Variants in NRG3 observed in about 807,000 individuals in gnomAD.
NRG3 encodes neuregulin 3.
In NRG3, 31 loss-of-function variants were observed where a neutral mutation model predicts 66.9. The ratio of observed to expected loss-of-function variants is 0.46; its 90% CI spans 0.35 to 0.63. The LOEUF is 0.63. NRG3 is among the 20% of genes least tolerant of loss of function. The probability of loss-of-function intolerance (pLI) is 0.00; values close to 1 mark genes in which losing one functional copy is unlikely to be tolerated. For missense variants in NRG3, 910 were observed against 878.9 expected (o/e 1.04, Z -0.45); for synonymous variants, 393 against 359.4 (o/e 1.09, Z -1.06).
intron 2 of NRG3, among the ~76,000 whole-genome samples, chr10:82,434,152 G>A (rs570157999): frequency 6.6e-6 from 1 of 152,166 alleles, no homozygotes; most frequent in South Asian, 2.1e-4. Flanking sequence ...CCTCCTTGAG[G>A]AGGTCCTTCA....
intron 2 of NRG3, among the ~76,000 whole-genome samples, chr10:82,574,486 A>T (rs1167627571): frequency 6.6e-6 from 1 of 151,810 alleles, no homozygotes; most frequent in East Asian, 1.9e-4. Context: ...AAGTGACTGC[A>T]GTTAACAATA....
chr10:82,233,436 A>G (rs2076597785), intron 1 of NRG3, among the ~76,000 whole-genome samples: 1 of 152,228 alleles, frequency 6.6e-6, no homozygotes, highest in Non-Finnish European at 1.5e-5. Flanking sequence ...CCCCAGTTAG[A>G]AAGATTTTCT....
In NRG3 at chr10:82,194,899, G is replaced by A. The variant is rs116736218; in HGVS notation, c.824-163840G>A. Among the ~76,000 whole-genome samples the A allele has an allele frequency of 5.7e-3, 869 of 152,226 alleles. 8 individuals are homozygous for A. Among genetic ancestry groups the A allele is most frequent in the African/African-American group, 0.02 (842 of 41,560 alleles). ...TTCCACAGAACCCTCTCAGGCATCAGTGCTTTTTCAAAGCCCTGTTCTCCT... is the reference window on the plus strand; with the variant it reads ...TTCCACAGAACCCTCTCAGGCATCAATGCTTTTTCAAAGCCCTGTTCTCCT... On this transcript the variant is annotated intron_variant, in intron 1 of 8. Coordinates refer to ENST00000372141, the MANE Select transcript of NRG3 (RefSeq NM_001010848.4).
intron 4 of NRG3, among the ~76,000 whole-genome samples, chr10:82,866,926 T>C (rs1402213035): frequency 1.3e-5 from 2 of 152,156 alleles, no homozygotes; most frequent in African/African-American, 4.8e-5. Flanking sequence ...TTGGATAAGT[T>C]GTCTAATGGA....
At chr10:82,266,132 G>C (rs1051367571) in intron 1 of NRG3, among the ~76,000 whole-genome samples, 1 of 152,138 alleles carries the variant, frequency 6.6e-6, no homozygotes, top group African/African-American at 2.4e-5. Flanking sequence ...TCAAAATAGT[G>C]TATGCTTATG....
intron 2 of NRG3, among the ~76,000 whole-genome samples, chr10:82,556,506 G>A (rs1220394561): frequency 6.6e-6 from 1 of 152,098 alleles, no homozygotes; most frequent in African/African-American, 2.4e-5. Flanking sequence ...GCTGGCGGCA[G>A]CCCTCTTGGT....
chr10:82,102,005 A>G (rs556004807), intron 1 of NRG3, among the ~76,000 whole-genome samples: 1 of 143,962 alleles, frequency 6.9e-6, no homozygotes, highest in East Asian at 2.1e-4. Context: ...ATGTGTGCGT[A>G]TATATATATA....
chr10:82,059,645 T>A (rs1228643555), intron 1 of NRG3, among the ~76,000 whole-genome samples: 1 of 152,150 alleles, frequency 6.6e-6, no homozygotes, highest in Non-Finnish European at 1.5e-5. Context: ...CCAATTCAAA[T>A]CATTCTTACT....
chr10:81,943,488 C>T (rs191751595), intron 1 of NRG3, among the ~76,000 whole-genome samples: 4 of 152,276 alleles, frequency 2.6e-5, no homozygotes, highest in South Asian at 2.1e-4. Context: ...TTCCAATTTC[C>T]GACTAAAATG....
chr10:82,377,123 T>C (rs2135800196), intron 2 of NRG3, among the ~76,000 whole-genome samples: 2 of 152,352 alleles, frequency 1.3e-5, no homozygotes, highest in Middle Eastern at 6.8e-3. Context: ...TATTTGGCTG[T>C]AATGTGAATT....
intron 2 of NRG3, among the ~76,000 whole-genome samples, chr10:82,681,486 C>T (rs2134123906): frequency 6.6e-6 from 1 of 152,268 alleles, no homozygotes; most frequent in East Asian, 1.9e-4. Context: ...AAATATTATG[C>T]CAATATTTTT....
rs2046696206 is a variant in NRG3, at chr10:82,586,770, A to G, written c.954-151807A>G. 2.6e-5 allele frequency among the ~76,000 whole-genome samples: 4 copies of G among 152,320 alleles called. No individual in the cohort carries two copies. The South Asian group carries it at 8.3e-4, about 32-fold the overall frequency. On this transcript the variant is annotated intron_variant, in intron 2 of 8. Coordinates refer to ENST00000372141, the MANE Select transcript of NRG3 (RefSeq NM_001010848.4). ...TAGCATGTCATCATATCTATACAAT[A>G]CATATTTTTTAAAATGTGGACATCA...
chr10:82,559,185 A>T (rs2044859829), intron 2 of NRG3, among the ~76,000 whole-genome samples: 1 of 152,100 alleles, frequency 6.6e-6, no homozygotes, highest in South Asian at 2.1e-4. Context: ...GATCATGGTA[A>T]CCACTGTTGA....
chr10:82,788,187 A>T (rs548961883), intron 3 of NRG3, among the ~76,000 whole-genome samples: 3 of 152,206 alleles, frequency 2.0e-5, no homozygotes, highest in African/African-American at 7.2e-5. Flanking sequence ...CAAATTATTC[A>T]GCAGGAGCAG....
At chr10:82,728,807 T>C (rs1032681236) in intron 2 of NRG3, among the ~76,000 whole-genome samples, 1 of 152,184 alleles carries the variant, frequency 6.6e-6, no homozygotes, top group African/African-American at 2.4e-5. Flanking sequence ...GGGGTAGATG[T>C]GACAATGAAC....
Position 82,185,656 on chromosome 10 carries a change from A to ATT in NRG3, c.824-173082_824-173081dup, listed in dbSNP as rs2073758493. The stretch of plus-strand genomic sequence containing the variant: ...ACTTGCCTGCACTGGAGAAGAAATT[A>ATT]TTGGAATGTATCTTTTTCATCCAGT... On this transcript the variant is annotated intron_variant, in intron 1 of 8. Transcript: ENST00000372141. Among the ~76,000 whole-genome samples, 3 of 152,236 alleles carry ATT rather than the reference A, an allele frequency of 2.0e-5. No homozygotes were observed. In the South Asian group the frequency reaches 6.2e-4, roughly 31 times the overall value.
At chr10:82,374,897 C>G (rs2085116221) in intron 2 of NRG3, among the ~76,000 whole-genome samples, 1 of 152,192 alleles carries the variant, frequency 6.6e-6, no homozygotes, top group Non-Finnish European at 1.5e-5. Context: ...GTCTGTTTAT[C>G]TGTATGAGTT....
At chr10:82,254,270 A>G (rs953208555) in intron 1 of NRG3, among the ~76,000 whole-genome samples, 6 of 152,204 alleles carry the variant, frequency 3.9e-5, no homozygotes, top group African/African-American at 1.4e-4. Context: ...GAAACATCTT[A>G]TAAACATTTA....
intron 2 of NRG3, among the ~76,000 whole-genome samples, chr10:82,548,102 C>T (rs1300775105): frequency 6.7e-6 from 1 of 149,782 alleles, no homozygotes; most frequent in Admixed American, 6.7e-5. Flanking sequence ...AAACCACACC[C>T]AGTAAGATAT....
Sources: gnomAD v4.1 joint callset for allele counts (sites outside exome capture counted in the v4.1 genomes callset) on GRCh38, gnomAD v4.1.1 for gene constraint, MANE v1.5 for transcripts, NCBI Gene and HGNC (gene_info 2026-07-23, HGNC 2026-07-21) for gene names.